The following OTUD7A variants were observed in gnomAD, a reference collection of about 807,000 sequenced individuals.
OTUD7A encodes the protein OTU domain-containing protein 7A.
OTUD7A carries 12 observed loss-of-function variants against 65.7 expected under a neutral mutation model. The ratio of observed to expected loss-of-function variants is 0.18; its 90% CI spans 0.12 to 0.30. The LOEUF (loss-of-function observed/expected upper bound fraction) is 0.30, where lower values mean the gene tolerates loss of function less well. OTUD7A is among the 10% of genes least tolerant of loss of function. OTUD7A has a pLI of 1.00. For missense variants in OTUD7A, 1,148 were observed against 1,304.8 expected (o/e 0.88, Z 1.85); for synonymous variants, 641 against 586.3 (o/e 1.09, Z -1.35).
Position 31,843,199 on chromosome 15 carries a change from C to T in OTUD7A, c.-100+27308G>A, listed in dbSNP as rs1000034990. On this transcript the variant is annotated intron_variant, in intron 1 of 12. Transcript: ENST00000307050. ...AAATTCCCTAGGAAGGTGGCCTGGA[C>T]GCTGGGAACAGTTACCTCCCCAACT... Among the ~76,000 whole-genome samples, 9 of 152,104 alleles carry T rather than the reference C, an allele frequency of 5.9e-5. 1 individual carries two copies. In the South Asian group the frequency reaches 1.5e-3, roughly 25 times the overall value.
At chr15:31,667,243 A>G (rs1241940437) in intron 1 of OTUD7A, among the ~76,000 whole-genome samples, 1 of 151,680 alleles carries the variant, frequency 6.6e-6, no homozygotes, top group East Asian at 1.9e-4. Context: ...CCCCCATATT[A>G]TTGTGTTGCT....
At chr15:31,767,332 A>G in intron 1 of OTUD7A, 1 of 782,084 alleles carries the variant, frequency 1.3e-6, no homozygotes, top group South Asian at 1.4e-5. Flanking sequence ...AGTAATTCGT[A>G]ATATTCAAAA....
At chr15:31,708,235 G>A (rs1345792718) in intron 1 of OTUD7A, among the ~76,000 whole-genome samples, 1 of 152,166 alleles carries the variant, frequency 6.6e-6, no homozygotes, top group Non-Finnish European at 1.5e-5. Flanking sequence ...ACATCCGGTG[G>A]TGGTAAAGAT....
intron 1 of OTUD7A, among the ~76,000 whole-genome samples, chr15:31,774,968 A>G: frequency 2.6e-5 from 1 of 38,586 alleles, no homozygotes; most frequent in East Asian, 8.4e-4. Context: ...TTTTGATTGA[A>G]AAGATAGTTA....
At chr15:31,868,786 C>T (rs1036465293) in intron 1 of OTUD7A, among the ~76,000 whole-genome samples, 3 of 152,170 alleles carry the variant, frequency 2.0e-5, no homozygotes, top group Admixed American at 1.3e-4. Context: ...GGCAATACTT[C>T]GTAAAGCGGC....
chr15:31,802,934 G>T (rs938445247), intron 1 of OTUD7A, among the ~76,000 whole-genome samples: 7 of 152,170 alleles, frequency 4.6e-5, no homozygotes, highest in African/African-American at 1.7e-4. Context: ...TGACGTGGAA[G>T]GAGAGGAATC....
chr15:31,632,788 GGCT>G (rs139685151), intron 3 of OTUD7A, among the ~76,000 whole-genome samples: 43,527 of 151,816 alleles, frequency 0.29, 7,318 homozygotes, highest in African/African-American at 0.47. Flanking sequence ...CGAGCTTCCC[GGCT>G]GCTTTGTTTG....
chr15:31,510,622 C>A lies in OTUD7A; in HGVS notation c.894-6804G>T, dbSNP rs1349617991. Reference sequence around the variant, plus strand: ...CTATATGTAACATACATATGTATATCTATATGTAACATACATATGTATATC... The same window carrying A: ...CTATATGTAACATACATATGTATATATATATGTAACATACATATGTATATC... On this transcript the variant is annotated intron_variant, in intron 8 of 12. Coordinates refer to ENST00000307050, the MANE Select transcript of OTUD7A (RefSeq NM_001382637.1). Among the ~76,000 whole-genome samples, 4 of 6,560 alleles carry A rather than the reference C, an allele frequency of 6.1e-4. 1 individual carries two copies. Among genetic ancestry groups the A allele is most frequent in the African/African-American group, 4.8e-4 (2 of 4,168 alleles). The allele number at this position is 6,560 out of a possible 152,430, so 4.3% of individuals were successfully genotyped here. A position where few individuals can be genotyped will look rare whatever the true frequency, so the allele number is the denominator to read the frequency against.
At chr15:31,763,498 G>A (rs574003068) in intron 1 of OTUD7A, among the ~76,000 whole-genome samples, 9 of 152,030 alleles carry the variant, frequency 5.9e-5, no homozygotes, top group Admixed American at 6.5e-5. Context: ...TTGGAACATC[G>A]GAGAGAAAAA....
intron 1 of OTUD7A, among the ~76,000 whole-genome samples, chr15:31,693,903 C>T (rs553630280): frequency 6.6e-6 from 1 of 152,156 alleles, no homozygotes; most frequent in African/African-American, 2.4e-5. Flanking sequence ...TTGGGCTGTT[C>T]CAAAGGTCCT....
chr15:31,835,259 GAAC>G (rs1284865779), intron 1 of OTUD7A, among the ~76,000 whole-genome samples: 2 of 152,220 alleles, frequency 1.3e-5, no homozygotes, highest in South Asian at 4.1e-4. Context: ...AACTTCAGAT[GAAC>G]AACGAATATT....
chr15:31,654,573 C>T (rs1891931727), intron 3 of OTUD7A, among the ~76,000 whole-genome samples: 1 of 152,058 alleles, frequency 6.6e-6, no homozygotes, highest in African/African-American at 2.4e-5. Context: ...CATACCACTG[C>T]CGCCATCAGA....
chr15:31,833,910 T>C (rs371906428), intron 1 of OTUD7A, among the ~76,000 whole-genome samples: 5 of 152,226 alleles, frequency 3.3e-5, no homozygotes, highest in African/African-American at 9.6e-5. Flanking sequence ...GAGGCCCCGC[T>C]CTGCTTTTTG....
At chr15:31,775,574 AC>A (rs1895355367) in intron 1 of OTUD7A, among the ~76,000 whole-genome samples, 1 of 152,250 alleles carries the variant, frequency 6.6e-6, no homozygotes, top group Admixed American at 6.5e-5. Flanking sequence ...TTGAAGATCA[AC>A]TGTGCAGATA....
At chr15:31,844,504 A>G (rs1187815725) in intron 1 of OTUD7A, among the ~76,000 whole-genome samples, 1 of 152,232 alleles carries the variant, frequency 6.6e-6, no homozygotes, top group Non-Finnish European at 1.5e-5. Flanking sequence ...CTCATAAAAT[A>G]AAATAAAATA....
At chr15:31,815,199 CA>C (rs1368322543) in intron 1 of OTUD7A, among the ~76,000 whole-genome samples, 4 of 152,206 alleles carry the variant, frequency 2.6e-5, no homozygotes, top group Non-Finnish European at 5.9e-5. Flanking sequence ...CCCCTCCAAA[CA>C]CCCCCTGCCA....
intron 1 of OTUD7A, among the ~76,000 whole-genome samples, chr15:31,860,678 T>TATATATATACATAC: frequency 1.5e-4 from 1 of 6,832 alleles, no homozygotes; most frequent in African/African-American, 2.2e-4. Flanking sequence ...TGTATGTGTG[T>TATATATATACATAC]ATATATATAT....
chr15:31,773,437 C>T (rs1895292297), intron 1 of OTUD7A, among the ~76,000 whole-genome samples: 1 of 152,174 alleles, frequency 6.6e-6, no homozygotes, highest in Non-Finnish European at 1.5e-5. Context: ...TCTCCCCATC[C>T]TCACATGGTA....
chr15:31,559,149 C>T lies in OTUD7A; in HGVS notation c.370G>A (p.Ala124Thr). ...TGGGACCGGGCCAGGGAGACGATGG[C>T]TGAGCTGGCGTGGGAAATCCCCCGG... is the stretch of plus-strand genomic sequence containing the variant. ...LSRGISHASS[A>T]IVSLARSHVA... The change falls in exon 5 of 13, where the codon GCC becomes ACC. Residue 124 changes from alanine (A) to threonine (T), a missense_variant. Coordinates refer to ENST00000307050, the MANE Select transcript of OTUD7A (RefSeq NM_001382637.1). 1 of 1,614,106 alleles carries T rather than the reference C, an allele frequency of 6.2e-7. No individual in the cohort carries two copies. Among genetic ancestry groups the T allele is most frequent in the Non-Finnish European group, 8.5e-7 (1 of 1,179,976 alleles).
Sources: gnomAD v4.1 joint callset for allele counts (sites outside exome capture counted in the v4.1 genomes callset) on GRCh38, gnomAD v4.1.1 for gene constraint, MANE v1.5 for transcripts, NCBI Gene and HGNC (gene_info 2026-07-23, HGNC 2026-07-21) for gene names.